Variants in FXN observed in about 807,000 individuals in gnomAD.
FXN encodes frataxin.
In FXN, 14 loss-of-function variants were observed where a neutral mutation model predicts 22.4. The observed-to-expected ratio is 0.62, with a 90% confidence interval of 0.41 to 0.98. The LOEUF is 0.98. Among genes scored for constraint, FXN ranks in the 50% least tolerant of loss-of-function variants. The pLI is 0.00. For missense variants in FXN, 267 were observed against 268.4 expected, an observed-to-expected ratio of 0.99 and a Z score of 0.04; for synonymous variants, 120 against 114.1, an observed-to-expected ratio of 1.05 and a Z score of -0.33.
intron 4 of FXN, among the ~76,000 whole-genome samples, chr9:69,072,044 T>C (rs1216187492): frequency 4.6e-5 from 7 of 152,204 alleles, no homozygotes; most frequent in African/African-American, 9.7e-5. Flanking sequence ...CGGATTTTGG[T>C]ATCTGCAGAT....
intron 3 of FXN, among the ~76,000 whole-genome samples, chr9:69,058,631 A>G (rs374267887): frequency 1.3e-5 from 2 of 152,216 alleles, no homozygotes; most frequent in South Asian, 4.1e-4. Flanking sequence ...ACAAATTAAC[A>G]GAGTTTTATT....
intron 1 of FXN, 111 bp downstream of exon 1, chr9:69,036,058 G>T (rs1831545928): frequency 1.0e-6 from 1 of 976,834 alleles, no homozygotes; most frequent in Non-Finnish European, 1.3e-6. Context: ...ACGCGCGCTG[G>T]ACTAGCTCAC....
chr9:69,049,194 C>G (rs749228688), intron 2 of FXN, among the ~76,000 whole-genome samples: 2 of 152,214 alleles, frequency 1.3e-5, no homozygotes, highest in Non-Finnish European at 2.9e-5. Context: ...CTTCCAACCT[C>G]TTCACTTTGG....
intron 2 of FXN, among the ~76,000 whole-genome samples, chr9:69,051,641 G>A (rs1260445448): frequency 6.6e-6 from 1 of 152,004 alleles, no homozygotes; most frequent in African/African-American, 2.4e-5. Context: ...GGTGAATCTT[G>A]CTTGGTTCTG....
At position 69,074,506 on chromosome 9, in the gene FXN, C is replaced by T. The variant is rs547488489; in HGVS notation, c.*1744C>T. 3,619 of 969,490 alleles carry T rather than the reference C, an allele frequency of 3.7e-3. 9 individuals carry two copies. Among genetic ancestry groups the T allele is most frequent in the Non-Finnish European group, 4.2e-3 (3,455 of 824,932 alleles). The allele number at this position is 969,490 out of a possible 1,614,324, so 60.1% of individuals were successfully genotyped here. ...TCGAGATCGTACCTGAGCGACAGAG[C>T]GAGACTCCGTCTCAAAAAAAAAAAA... On this transcript the variant is annotated 3_prime_UTR_variant, in exon 5 of 5. Transcript: ENST00000484259.
rs1247007148 is a variant in FXN, at chr9:69,075,890, A to G, written c.*3128A>G. 1 of 563,038 alleles carries G rather than the reference A, an allele frequency of 1.8e-6. No individual in the cohort carries two copies. Among genetic ancestry groups the G allele is most frequent in the Non-Finnish European group, 2.2e-6 (1 of 444,980 alleles). The allele number at this position is 563,038 out of a possible 1,614,324, so 34.9% of individuals were successfully genotyped here. Reference sequence around the variant, plus strand: ...TGGCTAATTTGTGTATTTTTTGTAGAGATGGGGTTTCACCATGTTGCCCAG... The same window carrying G: ...TGGCTAATTTGTGTATTTTTTGTAGGGATGGGGTTTCACCATGTTGCCCAG... On this transcript the variant is annotated 3_prime_UTR_variant, in exon 5 of 5. Coordinates refer to ENST00000484259, the MANE Select transcript of FXN (RefSeq NM_000144.5).
chr9:69,077,333 C>A lies in FXN; in HGVS notation c.*4571C>A. ...ACTCAGCTCACTTATATCCCTGCAT[C>A]CGCTACAGAGACAGAATCCAAGCTC... On this transcript the variant is annotated 3_prime_UTR_variant, in exon 5 of 5. Coordinates refer to ENST00000484259, the MANE Select transcript of FXN (RefSeq NM_000144.5). 1.0e-6 allele frequency: 1 copy of A among 985,436 alleles called. No individual in the cohort carries two copies. The highest frequency in any genetic ancestry group is 1.2e-6 in the Non-Finnish European group (1 of 829,936). The allele number at this position is 985,436 out of a possible 1,614,324, so 61.0% of individuals were successfully genotyped here.
At position 69,074,193 on chromosome 9, in the gene FXN, A is replaced by G. The variant is rs1289291662; in HGVS notation, c.*1431A>G. On this transcript the variant is annotated 3_prime_UTR_variant, in exon 5 of 5. Transcript: ENST00000484259. Reference sequence around the variant, plus strand: ...AGCAAAACTCTGTCTCAAAATAATAATAACAATATAATAATAATAATAGCC... The same window carrying G: ...AGCAAAACTCTGTCTCAAAATAATAGTAACAATATAATAATAATAATAGCC... 2 of 850,784 alleles carry G rather than the reference A, an allele frequency of 2.4e-6. No individual in the cohort carries two copies. The highest frequency in any genetic ancestry group is 2.4e-5 in the African/African-American group (1 of 42,510). 52.7% of individuals were successfully genotyped at this position (850,784 alleles called of 1,614,324 possible). A position where few individuals can be genotyped will look rare whatever the true frequency, so the allele number is the denominator to read the frequency against.
intron 1 of FXN, among the ~76,000 whole-genome samples, chr9:69,040,731 G>A (rs1730385469): frequency 6.6e-6 from 1 of 152,108 alleles, no homozygotes; most frequent in African/African-American, 2.4e-5. Flanking sequence ...TAAATGCTAT[G>A]GTCTGCATGT....
Position 69,065,036 on chromosome 9 carries a change from G to C in FXN, c.482+1G>C, listed in dbSNP as rs1360592504. The C allele has an allele frequency of 6.2e-7, 1 of 1,603,996 alleles. No homozygotes were observed. The highest frequency in any genetic ancestry group is 8.5e-7 in the Non-Finnish European group (1 of 1,170,802). On this transcript the variant is annotated splice_donor_variant, in intron 4 of 4. Transcript: ENST00000484259. LOFTEE classifies it high-confidence loss of function. ...AAATCTGGCTATCTTCTCCATCCAG[G>C]TATGTAGGTATGTTCAGAAGTCAAC...
intron 1 of FXN, among the ~76,000 whole-genome samples, chr9:69,036,696 TAA>T (rs1831557023): frequency 6.6e-6 from 1 of 152,194 alleles, no homozygotes; most frequent in Non-Finnish European, 1.5e-5. Flanking sequence ...ATAACATAGA[TAA>T]AGTCTTCAGA....
chr9:69,060,038 C>A (rs1023024327), intron 3 of FXN, among the ~76,000 whole-genome samples: 10 of 152,134 alleles, frequency 6.6e-5, no homozygotes, highest in African/African-American at 2.2e-4. Context: ...ATTTTTGCTC[C>A]TACATGGGTA....
In FXN at chr9:69,052,096, C is replaced by T. The variant is rs1297737719; in HGVS notation, c.264-1044C>T. On this transcript the variant is annotated intron_variant, in intron 2 of 4. Transcript: ENST00000484259. ...CTCCTGACCTCAGGTGATCCACCCG[C>T]CTCAGCCTCCCAAAATGCTAGGATT... 2.6e-5 allele frequency among the ~76,000 whole-genome samples: 4 copies of T among 152,034 alleles called. No individual in the cohort carries two copies. In the East Asian group the frequency reaches 7.7e-4, roughly 29 times the overall value.
chr9:69,047,961 G>A (rs549819630), intron 2 of FXN, among the ~76,000 whole-genome samples: 10 of 152,082 alleles, frequency 6.6e-5, no homozygotes, highest in African/African-American at 1.7e-4. Context: ...CAGATGATCC[G>A]CCCGCCTCGG....
chr9:69,042,737 G>C (rs1028139849), intron 1 of FXN, among the ~76,000 whole-genome samples: 3 of 152,092 alleles, frequency 2.0e-5, no homozygotes, highest in Non-Finnish European at 2.9e-5. Context: ...AGGTATCAGC[G>C]ACTAAGACAA....
chr9:69,079,023 T>G lies in FXN; in HGVS notation c.*6261T>G. ...GAGCTCTATAAATGTCAAATAAATGTGTTATAATTATATGTTTAAGATAGT... is the reference window on the plus strand; with the variant it reads ...GAGCTCTATAAATGTCAAATAAATGGGTTATAATTATATGTTTAAGATAGT... On this transcript the variant is annotated 3_prime_UTR_variant, in exon 5 of 5. Coordinates refer to ENST00000484259, the MANE Select transcript of FXN (RefSeq NM_000144.5). 1 of 874,162 alleles carries G rather than the reference T, an allele frequency of 1.1e-6. No homozygotes were observed. The highest frequency in any genetic ancestry group is 1.8e-5 in the African/African-American group (1 of 55,020). 54.2% of individuals were successfully genotyped at this position (874,162 alleles called of 1,614,324 possible). A position where few individuals can be genotyped will look rare whatever the true frequency, so the allele number is the denominator to read the frequency against.
At position 69,035,903 on chromosome 9, in the gene FXN, G is replaced by C. The variant is rs1388134271; in HGVS notation, c.121G>C (p.Gly41Arg). 1 of 1,487,742 alleles carries C rather than the reference G, an allele frequency of 6.7e-7. No individual in the cohort carries two copies. The highest frequency in any genetic ancestry group is 8.9e-7 in the Non-Finnish European group (1 of 1,125,480). 92.2% of individuals were successfully genotyped at this position (1,487,742 alleles called of 1,614,324 possible). ...AELAPLCGRRGLRTDIDATCT... is the reference protein window; with the variant it reads ...AELAPLCGRRRLRTDIDATCT... ...GTTGGCCCCACTCTGCGGCCGCCGT[G>C]GCCTGCGCACCGACATCGATGCGAC... The change falls in exon 1 of 5, where the codon GGC becomes CGC. Residue 41 changes from glycine (G) to arginine (R), a missense_variant. Physicochemically the swap from Gly to Arg is moderately radical, Grantham distance 125. Transcript: ENST00000484259.
chr9:69,061,467 A>G (rs1007093311), intron 3 of FXN, among the ~76,000 whole-genome samples: 4 of 152,092 alleles, frequency 2.6e-5, no homozygotes, highest in African/African-American at 9.7e-5. Flanking sequence ...GGAGCATTTA[A>G]GGGCCACAAA....
intron 2 of FXN, among the ~76,000 whole-genome samples, chr9:69,051,645 G>A (rs918534430): frequency 6.6e-6 from 1 of 151,972 alleles, no homozygotes; most frequent in African/African-American, 2.4e-5. Context: ...AATCTTGCTT[G>A]GTTCTGAGAC....
Sources: gnomAD v4.1 joint callset for allele counts (sites outside exome capture counted in the v4.1 genomes callset) on GRCh38, gnomAD v4.1.1 for gene constraint, MANE v1.5 for transcripts, NCBI Gene and HGNC (gene_info 2026-07-23, HGNC 2026-07-21) for gene names.